FBXL7: variants seen among roughly 807,000 people sequenced by gnomAD.
FBXL7 encodes F-box and leucine rich repeat protein 7.
Under a neutral mutation model 38.3 loss-of-function variants are expected in FBXL7, and 12 were observed. The observed-to-expected ratio is 0.31, with a 90% CI of 0.20 to 0.51. The LOEUF (loss-of-function observed/expected upper bound fraction) is 0.51, where lower values mean the gene tolerates loss of function less well. FBXL7 is among the 20% of genes least tolerant of loss of function. The pLI is 0.98. For missense variants in FBXL7, 567 were observed against 676.4 expected (o/e 0.84, Z 1.79); for synonymous variants, 297 against 300.9 (o/e 0.99, Z 0.13).
At chr5:15,560,882 G>C (rs1331438838) in intron 1 of FBXL7, among the ~76,000 whole-genome samples, 3 of 152,076 alleles carry the variant, frequency 2.0e-5, no homozygotes, top group Admixed American at 6.6e-5. Flanking sequence ...AATGCAAATT[G>C]ACTCATACTG....
chr5:15,797,228 A>G (rs1168934715), intron 2 of FBXL7, among the ~76,000 whole-genome samples: 2 of 152,226 alleles, frequency 1.3e-5, no homozygotes, highest in African/African-American at 2.4e-5. Flanking sequence ...AGGGTGACCA[A>G]TAAAATAGGT....
intron 2 of FBXL7, among the ~76,000 whole-genome samples, chr5:15,620,406 G>GTTTTT (rs368712808): frequency 8.6e-6 from 1 of 116,614 alleles, no homozygotes; most frequent in Admixed American, 8.3e-5. Flanking sequence ...CTAATTTTTT[G>GTTTTT]TTTTTTGTTT....
chr5:15,518,606 G>C (rs1737010598), intron 1 of FBXL7, among the ~76,000 whole-genome samples: 1 of 152,144 alleles, frequency 6.6e-6, no homozygotes, highest in Admixed American at 6.5e-5. Context: ...TGAAGGGATT[G>C]AGGAGATGGA....
chr5:15,936,386 A>C lies in FBXL7; in HGVS notation c.740-64A>C. On this transcript the variant is annotated intron_variant, in intron 3 of 3. Transcript: ENST00000504595. This position sits in a 1 kb window ranked among gnomAD's most constrained non-coding sequence, Gnocchi z 6.0. ...GCGAGGGTCAGGAATGCCCCAGGGC[A>C]TCCCCAGGCGTGGCTCCCCTGCTGG... 6.4e-7 allele frequency: 1 copy of C among 1,556,646 alleles called. No homozygotes were observed. Among genetic ancestry groups the C allele is most frequent in the Middle Eastern group, 1.7e-4 (1 of 5,830 alleles).
intron 2 of FBXL7, among the ~76,000 whole-genome samples, chr5:15,821,023 C>A (rs1413360856): frequency 6.6e-6 from 1 of 152,170 alleles, no homozygotes; most frequent in African/African-American, 2.4e-5. Context: ...TGTCCTACTG[C>A]AGTACTGTCT....
chr5:15,803,401 G>A (rs1163139079), intron 2 of FBXL7, among the ~76,000 whole-genome samples: 1 of 152,108 alleles, frequency 6.6e-6, no homozygotes, highest in Non-Finnish European at 1.5e-5. Flanking sequence ...ATTGAAGGGA[G>A]GTCACAGTTA....
At chr5:15,753,980 A>G (rs561987279) in intron 2 of FBXL7, among the ~76,000 whole-genome samples, 2 of 152,236 alleles carry the variant, frequency 1.3e-5, no homozygotes, top group Admixed American at 6.5e-5. Context: ...CATGACTCTC[A>G]GCATTCTCAT....
intron 2 of FBXL7, among the ~76,000 whole-genome samples, chr5:15,820,894 T>C (rs938231475): frequency 1.3e-5 from 2 of 152,136 alleles, no homozygotes; most frequent in African/African-American, 4.8e-5. Flanking sequence ...TTGCTCTGGC[T>C]CTGTCCTTGT....
chr5:15,860,894 T>G (rs1739446158), intron 2 of FBXL7, among the ~76,000 whole-genome samples: 1 of 152,202 alleles, frequency 6.6e-6, no homozygotes, highest in Non-Finnish European at 1.5e-5. Context: ...AGGTTAAGTA[T>G]CTTTGCCAAG....
intron 2 of FBXL7, among the ~76,000 whole-genome samples, chr5:15,826,921 C>CTGTACCT (rs1738329411): frequency 7.0e-6 from 1 of 143,546 alleles, no homozygotes; most frequent in South Asian, 2.2e-4. Flanking sequence ...GTACCTGTGG[C>CTGTACCT]TTTTTTTTTT....
At chr5:15,760,120 C>A (rs1283794046) in intron 2 of FBXL7, among the ~76,000 whole-genome samples, 1 of 151,774 alleles carries the variant, frequency 6.6e-6, no homozygotes, top group Non-Finnish European at 1.5e-5. Flanking sequence ...CAGAAAGTCA[C>A]AAAGCAGGTT....
intron 2 of FBXL7, among the ~76,000 whole-genome samples, chr5:15,900,795 C>T (rs1579587080): frequency 6.6e-6 from 1 of 152,318 alleles, no homozygotes; most frequent in East Asian, 1.9e-4. Context: ...CCAACTTCTG[C>T]TAATATTTAG....
intron 2 of FBXL7, among the ~76,000 whole-genome samples, chr5:15,746,400 G>A (rs1411889631): frequency 1.3e-5 from 2 of 152,108 alleles, no homozygotes; most frequent in East Asian, 3.9e-4. Flanking sequence ...CCATAGACTG[G>A]GTGGGTTATA....
intron 2 of FBXL7, among the ~76,000 whole-genome samples, chr5:15,873,439 A>G (rs189086211): frequency 1.5e-3 from 229 of 152,274 alleles, no homozygotes; most frequent in African/African-American, 5.1e-3. Context: ...AGATAGAGAC[A>G]CAAAAAAACC....
At chr5:15,664,663 G>C (rs1196506141) in intron 2 of FBXL7, among the ~76,000 whole-genome samples, 3 of 151,270 alleles carry the variant, frequency 2.0e-5, no homozygotes, top group African/African-American at 7.3e-5. Context: ...GTGGAGACAG[G>C]GTTTCACTAT....
intron 1 of FBXL7, among the ~76,000 whole-genome samples, chr5:15,572,459 C>T (rs965806445): frequency 4.0e-5 from 6 of 151,846 alleles, no homozygotes; most frequent in African/African-American, 9.7e-5. Context: ...TTCCACTGGC[C>T]GAAAGGTGTA....
chr5:15,832,049 T>G (rs1051333161), intron 2 of FBXL7, among the ~76,000 whole-genome samples: 7 of 152,200 alleles, frequency 4.6e-5, no homozygotes, highest in African/African-American at 1.7e-4. Context: ...CTCTCTACTC[T>G]AAATACTTTA....
intron 2 of FBXL7, among the ~76,000 whole-genome samples, chr5:15,921,797 T>C (rs1333604483): frequency 6.6e-6 from 1 of 152,164 alleles, no homozygotes; most frequent in Non-Finnish European, 1.5e-5. Flanking sequence ...CTGTGAAATA[T>C]CACCTCACAC....
intron 2 of FBXL7, among the ~76,000 whole-genome samples, chr5:15,911,557 G>T (rs1208478925): frequency 1.7e-5 from 2 of 116,482 alleles, no homozygotes; most frequent in Non-Finnish European, 3.2e-5. Context: ...GCTTTGTTCT[G>T]TTGCTGGTGA....
Sources: gnomAD v4.1 joint callset for allele counts (sites outside exome capture counted in the v4.1 genomes callset) on GRCh38, gnomAD v4.1.1 for gene constraint, Gnocchi (gnomAD v3.1) non-coding constraint, MANE v1.5 for transcripts, NCBI Gene and HGNC (gene_info 2026-07-23, HGNC 2026-07-21) for gene names.